Variants in ATOSB observed in about 807,000 individuals in gnomAD.
The protein encoded by ATOSB is atos homolog B, also known as atos homolog protein B.
the ATOSB span, among the ~76,000 whole-genome samples, chr9:35,112,651 C>T: frequency 6.6e-6 from 1 of 152,160 alleles, no homozygotes; most frequent in Non-Finnish European, 1.5e-5. Context: ...AGCAATAGTC[C>T]TGTCTACCCT....
the ATOSB span, chr9:35,109,151 G>A: frequency 6.6e-6 from 1 of 152,244 alleles, no homozygotes; most frequent in Non-Finnish European, 1.5e-5. Context: ...TATCTCCAAA[G>A]GGACAAGTGC....
the ATOSB span, chr9:35,107,744 T>G: frequency 2.5e-6 from 4 of 1,579,720 alleles, no homozygotes; most frequent in Non-Finnish European, 8.6e-7. Flanking sequence ...CTGGAGGGGC[T>G]GGCCCTGGGG....
the ATOSB span, chr9:35,105,128 C>G: frequency 4.3e-6 from 6 of 1,380,568 alleles, no homozygotes; most frequent in Non-Finnish European, 5.9e-6. This position sits in a 1 kb window ranked among gnomAD's most constrained non-coding sequence, Gnocchi z 5.5. Flanking sequence ...TAATTCAAGC[C>G]TGAAGGGTCT....
the ATOSB span, chr9:35,107,024 T>C: frequency 1.2e-6 from 1 of 801,668 alleles, no homozygotes; most frequent in Non-Finnish European, 2.0e-6. Flanking sequence ...AATATCCACT[T>C]AAGAGTACAT....
the ATOSB span, among the ~76,000 whole-genome samples, chr9:35,113,525 G>A: frequency 2.0e-5 from 3 of 152,144 alleles, no homozygotes; most frequent in Admixed American, 2.0e-4. Flanking sequence ...TCAGGAGGCT[G>A]AGGCAGGAGA....
chr9:35,109,993 G>C, the ATOSB span: 6 of 152,018 alleles, frequency 3.9e-5, no homozygotes, highest in African/African-American at 7.3e-5. Flanking sequence ...TCCCAGATGA[G>C]AGAAGCAGAG....
the ATOSB span, chr9:35,112,298 G>A: frequency 5.1e-5 from 2 of 39,232 alleles, no homozygotes; most frequent in Non-Finnish European, 6.2e-5. Flanking sequence ...CTCCCTTTCT[G>A]AGATCAGCCT....
chr9:35,115,859 TACTG>T, the ATOSB span: 1 of 152,238 alleles, frequency 6.6e-6, no homozygotes, highest in East Asian at 1.9e-4. Flanking sequence ...TTGGGGCAGT[TACTG>T]AGCAGCCCTA....
At chr9:35,114,763 C>T in the ATOSB span, among the ~76,000 whole-genome samples, 2 of 152,172 alleles carry the variant, frequency 1.3e-5, no homozygotes, top group African/African-American at 4.8e-5. Flanking sequence ...TCCCCCCTCC[C>T]ACAGAAGCCC....
At chr9:35,111,637 A>T in the ATOSB span, 1 of 121,994 alleles carries the variant, frequency 8.2e-6, no homozygotes, top group African/African-American at 3.1e-5. Flanking sequence ...CGCGGCGGCC[A>T]CGGCCGCCAC....
the ATOSB span, among the ~76,000 whole-genome samples, chr9:35,113,911 G>A: frequency 2.0e-5 from 3 of 152,162 alleles, no homozygotes; most frequent in African/African-American, 7.2e-5. Context: ...TGGGCTGAGT[G>A]AACAGCAATC....
chr9:35,107,972 G>C, the ATOSB span: 11 of 1,603,376 alleles, frequency 6.9e-6, no homozygotes, highest in South Asian at 1.1e-5. Flanking sequence ...CTGGGCCTAA[G>C]AGCCCCACAG....
At chr9:35,111,016 TTC>T in the ATOSB span, 1 of 152,430 alleles carries the variant, frequency 6.6e-6, no homozygotes, top group African/African-American at 2.4e-5. Flanking sequence ...GGTCGACTTC[TTC>T]TCTCTTACCA....
chr9:35,110,383 G>A, the ATOSB span: 1 of 152,266 alleles, frequency 6.6e-6, no homozygotes, highest in Admixed American at 6.6e-5. Flanking sequence ...TTGACCCCTT[G>A]CCCTGGGGAA....
At chr9:35,105,824 T>A in the ATOSB span, 2 of 1,614,138 alleles carry the variant, frequency 1.2e-6, no homozygotes, top group Non-Finnish European at 1.7e-6. The surrounding 1 kb of genome is among the most constrained non-coding windows in gnomAD (Gnocchi z 5.5). Flanking sequence ...ACAAGGAACA[T>A]CTTTACCACA....
chr9:35,105,243 G>T, the ATOSB span: 1 of 1,613,694 alleles, frequency 6.2e-7, no homozygotes, highest in Non-Finnish European at 8.5e-7. The surrounding 1 kb of genome is among the most constrained non-coding windows in gnomAD (Gnocchi z 5.5). Context: ...TGAATAACGT[G>T]GATTATGAGG....
the ATOSB span, among the ~76,000 whole-genome samples, chr9:35,113,486 TG>T: frequency 2.0e-5 from 3 of 151,988 alleles, no homozygotes; most frequent in Non-Finnish European, 4.4e-5. Context: ...TAGCTGAGTG[TG>T]GTGGCGCGCA....
At chr9:35,114,397 A>G in the ATOSB span, among the ~76,000 whole-genome samples, 59,740 of 147,162 alleles carry the variant, frequency 0.41, 12,796 homozygotes, top group East Asian at 0.92. Flanking sequence ...CTCCCCAGCC[A>G]GTCTCTCAGC....
chr9:35,107,686 C>A, the ATOSB span: 1 of 1,609,484 alleles, frequency 6.2e-7, no homozygotes, highest in Non-Finnish European at 8.5e-7. Context: ...CTCTTACCCC[C>A]TATTTGTGCA....
Sources: allele counts gnomAD v4.1 joint callset (sites outside exome capture counted in the v4.1 genomes callset), GRCh38; gene constraint gnomAD v4.1.1; non-coding constraint Gnocchi (gnomAD v3.1); transcripts MANE v1.5; gene names NCBI Gene and HGNC (gene_info 2026-07-23, HGNC 2026-07-21).